Variants in PKNOX1 observed in about 807,000 individuals in gnomAD.
PKNOX1 encodes the protein homeobox protein PKNOX1.
Under a neutral mutation model 51.9 loss-of-function variants are expected in PKNOX1, and 15 were observed. The observed-to-expected ratio is 0.29, with a 90% CI of 0.19 to 0.45. PKNOX1 has a LOEUF of 0.45. PKNOX1 is among the 20% of genes least tolerant of loss of function. The pLI, the probability that PKNOX1 is intolerant of heterozygous loss-of-function variation, is 1.00. For synonymous variants in PKNOX1, 219 were observed against 211.1 expected (o/e 1.04, Z -0.32); for missense variants, 462 against 547.5 (o/e 0.84, Z 1.56).
At chr21:43,015,180 G>A (rs1349999655) in intron 5 of PKNOX1, among the ~76,000 whole-genome samples, 1 of 152,232 alleles carries the variant, frequency 6.6e-6, no homozygotes, top group African/African-American at 2.4e-5. Context: ...CCGCCTTAGG[G>A]GACACCTTTC....
chr21:43,008,503 C>T (rs755387834), intron 3 of PKNOX1, among the ~76,000 whole-genome samples: 20 of 152,338 alleles, frequency 1.3e-4, no homozygotes, highest in African/African-American at 3.1e-4. Context: ...GTCTGCCAGG[C>T]GCAGTGGCTC....
At chr21:42,998,796 C>T (rs1198367201) in intron 1 of PKNOX1, among the ~76,000 whole-genome samples, 2 of 152,204 alleles carry the variant, frequency 1.3e-5, no homozygotes, top group African/African-American at 4.8e-5. Context: ...GCATCTCCGC[C>T]CCTGTGGCTT....
At chr21:42,980,179 C>T (rs186104093) in intron 1 of PKNOX1, among the ~76,000 whole-genome samples, 1 of 152,178 alleles carries the variant, frequency 6.6e-6, no homozygotes, top group East Asian at 1.9e-4. Context: ...TTGAGACCAG[C>T]CTGGCCAAGA....
chr21:43,017,705 G>A (rs1469517234), intron 6 of PKNOX1: 1 of 159,144 alleles, frequency 6.3e-6, no homozygotes, highest in Non-Finnish European at 1.4e-5. Flanking sequence ...CACACCCCAG[G>A]TCAGTTGGTG....
intron 1 of PKNOX1, among the ~76,000 whole-genome samples, chr21:42,998,798 C>T (rs1365192360): frequency 6.6e-6 from 1 of 152,202 alleles, no homozygotes; most frequent in African/African-American, 2.4e-5. Flanking sequence ...ATCTCCGCCC[C>T]TGTGGCTTTG....
chr21:43,008,853 G>A (rs1016437849), intron 3 of PKNOX1, among the ~76,000 whole-genome samples: 25 of 152,048 alleles, frequency 1.6e-4, no homozygotes, highest in Non-Finnish European at 3.1e-4. Flanking sequence ...CTATGCATAT[G>A]TATACCTAAC....
chr21:42,974,854 G>T (rs1004290948), intron 1 of PKNOX1, among the ~76,000 whole-genome samples, 190 bp downstream of exon 1: 10 of 147,968 alleles, frequency 6.8e-5, no homozygotes, highest in Admixed American at 4.0e-4. Context: ...GGGCGCGGGT[G>T]GGGGAGGGGA....
rs34926274 is a variant in PKNOX1 at position 43,031,825 on chromosome 21, T to TA, written c.*1725dup. The TA allele has an allele frequency of 0.24, 37,802 of 159,940 alleles. 4,952 individuals are homozygous for TA. The highest frequency in any genetic ancestry group is 0.29 in the Non-Finnish European group (20,739 of 72,128). 9.9% of individuals were successfully genotyped at this position (159,940 alleles called of 1,614,324 possible). ...TTGTTTTAAAATCTTTCAGGAGCTT[T>TA]ACTGAAAGACTTGGTTATCAAGTCT... On this transcript the variant is annotated 3_prime_UTR_variant, in exon 11 of 11. Transcript: ENST00000291547.
chr21:42,999,428 T>C (rs1978647853), intron 1 of PKNOX1, among the ~76,000 whole-genome samples: 1 of 152,210 alleles, frequency 6.6e-6, no homozygotes, highest in Non-Finnish European at 1.5e-5. Flanking sequence ...CCTCATTACT[T>C]ATGCAAATTT....
At chr21:43,007,996 G>A (rs1351745936) in intron 3 of PKNOX1, among the ~76,000 whole-genome samples, 5 of 151,410 alleles carry the variant, frequency 3.3e-5, no homozygotes, top group African/African-American at 4.9e-5. Flanking sequence ...CCGGGGAGGC[G>A]GAGGTTGCAT....
chr21:42,996,148 G>A (rs896674635), intron 1 of PKNOX1, among the ~76,000 whole-genome samples: 4 of 152,080 alleles, frequency 2.6e-5, no homozygotes, highest in Non-Finnish European at 5.9e-5. Flanking sequence ...CCAGGGGTTC[G>A]AGGCTGCATG....
intron 1 of PKNOX1, among the ~76,000 whole-genome samples, chr21:42,990,293 G>A (rs180994603): frequency 3.9e-5 from 6 of 152,120 alleles, no homozygotes; most frequent in Admixed American, 2.0e-4. Context: ...AATAAGTAAC[G>A]ATCCACTGTG....
intron 3 of PKNOX1, among the ~76,000 whole-genome samples, chr21:43,008,061 T>TCACA (rs56932866): frequency 0.057 from 8,387 of 146,776 alleles, 680 homozygotes; most frequent in African/African-American, 0.18. Flanking sequence ...CAAAACTCTG[T>TCACA]CACACACACA....
intron 1 of PKNOX1, among the ~76,000 whole-genome samples, chr21:42,991,266 C>T (rs992874887): frequency 2.6e-5 from 4 of 151,430 alleles, no homozygotes; most frequent in Admixed American, 2.0e-4. Flanking sequence ...GTGGGAGGAT[C>T]GCTTGAAGCC....
Position 43,013,188 on chromosome 21 carries a change from ACT to A in PKNOX1, c.475_476del (p.Leu159ValfsTer76). Reference sequence around the variant, plus strand: ...TCTGAAAACAAAAATGAACAGTGAAACTCTGTTGAGTGGAGAGCCTGGAAGCC... The same window carrying A: ...TCTGAAAACAAAAATGAACAGTGAAACTGTTGAGTGGAGAGCCTGGAAGCC... ...ACLKTKMNSE[T>X]LLSGEPGSPY... On this transcript the variant is annotated frameshift_variant, in exon 5 of 11. Coordinates refer to ENST00000291547, the MANE Select transcript of PKNOX1 (RefSeq NM_004571.5). LOFTEE classifies it high-confidence loss of function. The A allele has an allele frequency of 1.2e-6, 2 of 1,613,522 alleles. No homozygotes were observed. Among genetic ancestry groups the A allele is most frequent in the Non-Finnish European group, 1.7e-6 (2 of 1,179,670 alleles).
At position 43,032,087 on chromosome 21, in the gene PKNOX1, C is replaced by T. The variant is rs1330721356; in HGVS notation, c.*1986C>T. On this transcript the variant is annotated 3_prime_UTR_variant, in exon 11 of 11. Coordinates refer to ENST00000291547, the MANE Select transcript of PKNOX1 (RefSeq NM_004571.5). ...GTTGGTCGGGCTGGTCTCGAACTCC[C>T]GACCTCAGGTGATCTGCCTGCCTCA... The T allele has an allele frequency of 9.0e-6, 4 of 442,600 alleles. No homozygotes were observed. The highest frequency in any genetic ancestry group is 4.7e-5 in the South Asian group (3 of 63,600). The allele number at this position is 442,600 out of a possible 1,614,324, so 27.4% of individuals were successfully genotyped here.
At chr21:43,017,269 A>C (rs1157556452) in intron 6 of PKNOX1, 2 of 267,598 alleles carry the variant, frequency 7.5e-6, no homozygotes, top group Non-Finnish European at 1.4e-5. Context: ...ATATACACCA[A>C]AAACCAGTTG....
At chr21:43,003,420 G>T (rs189506466) in intron 1 of PKNOX1, among the ~76,000 whole-genome samples, 12 of 152,258 alleles carry the variant, frequency 7.9e-5, no homozygotes, top group Admixed American at 7.8e-4. Context: ...TCTTATGTGC[G>T]TGTGTATATG....
chr21:43,014,345 AT>A (rs34656391), intron 5 of PKNOX1, among the ~76,000 whole-genome samples: 9 of 150,668 alleles, frequency 6.0e-5, no homozygotes, highest in Admixed American at 5.3e-4. Context: ...TTTTAGTTGG[AT>A]TTTTTTTTAA....
Sources: allele counts gnomAD v4.1 joint callset (sites outside exome capture counted in the v4.1 genomes callset), GRCh38; gene constraint gnomAD v4.1.1; transcripts MANE v1.5; gene names NCBI Gene and HGNC (gene_info 2026-07-23, HGNC 2026-07-21).